Variants in MYDGF observed in about 807,000 individuals in gnomAD.
The protein encoded by MYDGF is myeloid-derived growth factor.
A neutral mutation model predicts 24.2 loss-of-function variants in MYDGF; 29 were observed. That is an observed-to-expected ratio of 1.20 (90% CI 0.89 to 1.63). The LOEUF (loss-of-function observed/expected upper bound fraction) is 1.63. MYDGF is among the 40% of genes most tolerant of loss of function. The pLI is 0.00. For synonymous variants in MYDGF, 105 were observed against 102.5 expected (o/e 1.02, Z -0.15); for missense variants, 245 against 234.8 (o/e 1.04, Z -0.29).
intron 5 of MYDGF, 45 bp downstream of exon 5, chr19:4,659,886 G>C (rs1379081303): frequency 1.3e-6 from 2 of 1,575,508 alleles, no homozygotes; most frequent in Non-Finnish European, 8.7e-7. Context: ...GCCCACCCTT[G>C]GATGGGGGTG....
In MYDGF at chr19:4,658,096, A is replaced by T. The variant is rs548713175; in HGVS notation, c.443-12T>A. The T allele has an allele frequency of 6.2e-7, 1 of 1,605,556 alleles. No individual in the cohort carries two copies. Among genetic ancestry groups the T allele is most frequent in the Non-Finnish European group, 8.5e-7 (1 of 1,176,538 alleles). On this transcript the variant is annotated splice_polypyrimidine_tract_variant and intron_variant, in intron 5 of 5. Coordinates refer to ENST00000262947, the MANE Select transcript of MYDGF (RefSeq NM_019107.4). ...GGGCCTGTGAGCCACTGCAAGAAAG[A>T]AACACATGGTTGGGCCCTCAACATT...
chr19:4,663,232 A>G (rs1256916485), intron 3 of MYDGF, among the ~76,000 whole-genome samples: 1 of 106,374 alleles, frequency 9.4e-6, no homozygotes, highest in Non-Finnish European at 1.9e-5. Context: ...ACAGCCTCCA[A>G]TCTACCCTCC....
intron 3 of MYDGF, 61 bp from the exon 4 acceptor site, chr19:4,660,811 C>A (rs1040728573): frequency 8.9e-6 from 13 of 1,463,406 alleles, no homozygotes; most frequent in Non-Finnish European, 1.2e-5. Flanking sequence ...GTCTGTGTGC[C>A]CTGGAAGGAG....
intron 2 of MYDGF, among the ~76,000 whole-genome samples, chr19:4,667,176 T>C (rs931220878): frequency 1.4e-5 from 2 of 143,280 alleles, no homozygotes; most frequent in African/African-American, 5.4e-5. Context: ...TCGCCCAGGA[T>C]GGAGTGCAGT....
chr19:4,668,193 C>T (rs769001807), intron 2 of MYDGF, among the ~76,000 whole-genome samples: 11 of 152,204 alleles, frequency 7.2e-5, no homozygotes, highest in Non-Finnish European at 1.2e-4. Context: ...TCCCAAAATA[C>T]CTTGAGTTTG....
At chr19:4,668,727 G>T in intron 1 of MYDGF, 82 bp from the exon 2 acceptor site, 1 of 1,235,508 alleles carries the variant, frequency 8.1e-7, no homozygotes. Flanking sequence ...TGTCACCCAA[G>T]CTGGAGTGCA....
chr19:4,659,825 A>C (rs2088455710), intron 5 of MYDGF, 106 bp downstream of exon 5: 2 of 947,024 alleles, frequency 2.1e-6, no homozygotes, highest in Non-Finnish European at 3.4e-6. Context: ...TGCCTGGTCT[A>C]CAGTCTCCAG....
At position 4,658,098 on chromosome 19, in the gene MYDGF, AC is replaced by A. The variant is rs1206047324; in HGVS notation, c.443-15del. ...GCCTGTGAGCCACTGCAAGAAAGAAACACATGGTTGGGCCCTCAACATTGAA... is the reference window on the plus strand; with the variant it reads ...GCCTGTGAGCCACTGCAAGAAAGAAAACATGGTTGGGCCCTCAACATTGAA... On this transcript the variant is annotated splice_polypyrimidine_tract_variant and intron_variant, in intron 5 of 5. Transcript: ENST00000262947. 1.9e-6 allele frequency: 3 copies of A among 1,604,212 alleles called. No homozygotes were observed. The African/African-American group carries it at 4.0e-5, about 21-fold the overall frequency.
At chr19:4,660,787 C>T (rs2286366) in intron 3 of MYDGF, 37 bp from the exon 4 acceptor site, 195,964 of 1,586,312 alleles carry the variant, frequency 0.12, 21,487 homozygotes, top group African/African-American at 0.59. Flanking sequence ...TCAGGCCAGG[C>T]CTGCTGGGTC....
chr19:4,660,774 G>A (rs1378029878), intron 3 of MYDGF, 24 bp from the exon 4 acceptor site: 1 of 1,606,594 alleles, frequency 6.2e-7, no homozygotes, highest in African/African-American at 1.3e-5. Context: ...GGGGGCGAGG[G>A]AGTCAGGCCA....
chr19:4,658,155 G>A, intron 5 of MYDGF, 71 bp from the exon 6 acceptor site: 1 of 1,412,788 alleles, frequency 7.1e-7, no homozygotes, highest in Non-Finnish European at 9.7e-7. Flanking sequence ...ATTTGGGGTG[G>A]GGCCCATGGT....
chr19:4,663,673 A>G, intron 3 of MYDGF, among the ~76,000 whole-genome samples: 1 of 60,976 alleles, frequency 1.6e-5, no homozygotes, highest in Non-Finnish European at 3.1e-5. Flanking sequence ...CCTCCAGTAT[A>G]CCCTCCCCAC....
rs1312275967 is a variant in MYDGF, at chr19:4,660,012, G to A, written c.370-9C>T. ...TCAAATGCGGCTTTAGACTGAAAAAGAATGAGTGGAAACTTTACCAGGGCC... is the reference window on the plus strand; with the variant it reads ...TCAAATGCGGCTTTAGACTGAAAAAAAATGAGTGGAAACTTTACCAGGGCC... On this transcript the variant is annotated splice_polypyrimidine_tract_variant and intron_variant, in intron 4 of 5. Coordinates refer to ENST00000262947, the MANE Select transcript of MYDGF (RefSeq NM_019107.4). 1.2e-6 allele frequency: 2 copies of A among 1,612,740 alleles called. No individual in the cohort carries two copies. Among genetic ancestry groups the A allele is most frequent in the Non-Finnish European group, 1.7e-6 (2 of 1,179,102 alleles).
At chr19:4,658,740 C>T (rs1468727467) in intron 5 of MYDGF, among the ~76,000 whole-genome samples, 1 of 152,188 alleles carries the variant, frequency 6.6e-6, no homozygotes, top group Non-Finnish European at 1.5e-5. Context: ...CGGCATGCCA[C>T]AGTCCCAACC....
At chr19:4,660,570 C>T in intron 4 of MYDGF, 99 bp downstream of exon 4, 1 of 1,161,286 alleles carries the variant, frequency 8.6e-7, no homozygotes, top group Non-Finnish European at 1.3e-6. Context: ...GTCCCCTCTC[C>T]TCCCTGTCCC....
chr19:4,664,957 C>T lies in MYDGF; in HGVS notation c.226-20G>A, dbSNP rs374440175. ...CCATTGCTGGGGAGAGAAGACAGCGCGGGTCAGCCCCGGACACACAGCTGC... is the reference window on the plus strand; with the variant it reads ...CCATTGCTGGGGAGAGAAGACAGCGTGGGTCAGCCCCGGACACACAGCTGC... On this transcript the variant is annotated intron_variant, in intron 2 of 5. Transcript: ENST00000262947. 1.4e-5 allele frequency: 23 copies of T among 1,611,148 alleles called. No individual in the cohort carries two copies. Among genetic ancestry groups the T allele is most frequent in the Middle Eastern group, 1.6e-4 (1 of 6,082 alleles).
rs1022142345 is a variant in MYDGF at position 4,668,704 on chromosome 19, G to C, written c.175-59C>G. The C allele has an allele frequency of 2.0e-6, 3 of 1,477,528 alleles. No homozygotes were observed. In the East Asian group the frequency reaches 6.8e-5, roughly 34 times the overall value. 91.5% of individuals were successfully genotyped at this position (1,477,528 alleles called of 1,614,324 possible). A position where few individuals can be genotyped will look rare whatever the true frequency, so the allele number is the denominator to read the frequency against. On this transcript the variant is annotated intron_variant, in intron 1 of 5. Transcript: ENST00000262947. ...AAGGAAATTTTTATTTTGTTTAAGA[G>C]ACGGGGTCTTGCTGTCACCCAAGCT...
intron 2 of MYDGF, among the ~76,000 whole-genome samples, chr19:4,667,319 G>A (rs980610760): frequency 4.0e-5 from 6 of 151,892 alleles, no homozygotes; most frequent in African/African-American, 7.3e-5. Context: ...TAGTAGAGAC[G>A]GGGTTTCACC....
At chr19:4,668,772 C>A in intron 1 of MYDGF, 127 bp from the exon 2 acceptor site, 2 of 729,622 alleles carry the variant, frequency 2.7e-6, no homozygotes, top group South Asian at 3.2e-5. Context: ...GCCTCGAACT[C>A]CCAGGTTTGA....
Sources: allele counts gnomAD v4.1 joint callset (sites outside exome capture counted in the v4.1 genomes callset), GRCh38; gene constraint gnomAD v4.1.1; transcripts MANE v1.5; gene names NCBI Gene and HGNC (gene_info 2026-07-23, HGNC 2026-07-21).